The following CIT variants were observed in gnomAD, a reference collection of about 807,000 sequenced individuals.
The protein encoded by CIT is citron Rho-interacting kinase.
CIT carries 79 observed loss-of-function variants against 272.7 expected under a neutral mutation model. The ratio of observed to expected loss-of-function variants is 0.29; its 90% CI spans 0.24 to 0.35. CIT has a LOEUF of 0.35. Among genes scored for constraint, CIT ranks in the 10% least tolerant of loss-of-function variants. The pLI, the probability that CIT is intolerant of heterozygous loss-of-function variation, is 1.00. For missense variants in CIT, 1,909 were observed against 2,618.3 expected, an observed-to-expected ratio of 0.73 and a Z score of 5.91; for synonymous variants, 948 against 995.6, an observed-to-expected ratio of 0.95 and a Z score of 0.90.
intron 3 of CIT, among the ~76,000 whole-genome samples, chr12:119,866,479 C>A (rs554404251): frequency 1.3e-5 from 2 of 152,036 alleles, no homozygotes; most frequent in Non-Finnish European, 1.5e-5. Flanking sequence ...CAAACAGGAA[C>A]TATTTTGGGC....
At position 119,718,439 on chromosome 12, in the gene CIT, G is replaced by A. The variant is rs924520253; in HGVS notation, c.4004-30C>T. On this transcript the variant is annotated intron_variant, in intron 31 of 47. Transcript: ENST00000392521. The surrounding 1 kb of genome is among the most constrained non-coding windows in gnomAD (Gnocchi z 4.8). ...AGAGAGACCAGGACAATGCCTTTTGGTTAGCTGGGTCGCCTAGAGGACCAA... is the reference window on the plus strand; with the variant it reads ...AGAGAGACCAGGACAATGCCTTTTGATTAGCTGGGTCGCCTAGAGGACCAA... 15 of 1,583,668 alleles carry A rather than the reference G, an allele frequency of 9.5e-6. No homozygotes were observed. The highest frequency in any genetic ancestry group is 1.2e-5 in the Non-Finnish European group (14 of 1,162,154).
intron 10 of CIT, among the ~76,000 whole-genome samples, chr12:119,799,014 C>T (rs958954166): frequency 2.0e-5 from 3 of 152,184 alleles, no homozygotes; most frequent in African/African-American, 7.2e-5. Flanking sequence ...ATTCTGTTCC[C>T]CAATCCACTC....
chr12:119,860,822 TA>T (rs561470396), intron 3 of CIT, among the ~76,000 whole-genome samples: 584 of 136,296 alleles, frequency 4.3e-3, no homozygotes, highest in Non-Finnish European at 4.0e-3. Context: ...TATGATTACT[TA>T]AAAAAAAAAA....
intron 13 of CIT, among the ~76,000 whole-genome samples, chr12:119,780,837 G>A (rs1451635939): frequency 1.3e-5 from 2 of 152,076 alleles, no homozygotes; most frequent in Admixed American, 6.5e-5. Context: ...CTGAAACCAC[G>A]TTTCTTCCCC....
Position 119,760,979 on chromosome 12 carries a change from T to C in CIT, c.2381A>G (p.Glu794Gly), listed in dbSNP as rs1193538156. 9 of 1,614,136 alleles carry C rather than the reference T, an allele frequency of 5.6e-6. No homozygotes were observed. The highest frequency in any genetic ancestry group is 7.6e-6 in the Non-Finnish European group (9 of 1,179,982). ...LENMMQRHEEEAHEKGKILSE... is the reference protein window; with the variant it reads ...LENMMQRHEEGAHEKGKILSE... ...GAGAATTTTGCCCTTCTCATGGGCCTCCTCCTCGTGTCTCTGCATCATGTT... is the reference window on the plus strand; with the variant it reads ...GAGAATTTTGCCCTTCTCATGGGCCCCCTCCTCGTGTCTCTGCATCATGTT... Residue 794 changes from glutamate to glycine, a missense_variant, in exon 20 of 48, where the codon GAG becomes GGG. By Grantham distance (98) the Glu-to-Gly change is moderately conservative. Transcript: ENST00000392521.
chr12:119,713,435 C>G lies in CIT; in HGVS notation c.4487+33G>C. The G allele has an allele frequency of 6.2e-7, 1 of 1,605,530 alleles. No homozygotes were observed. The highest frequency in any genetic ancestry group is 8.5e-7 in the Non-Finnish European group (1 of 1,175,430). ...AGGGACAGAGTGGCTTGTGCCAGCA[C>G]CTGCTCCAGCCCAAGCCACCCTGAC... On this transcript the variant is annotated intron_variant, in intron 34 of 47. Coordinates refer to ENST00000392521, the MANE Select transcript of CIT (RefSeq NM_001206999.2). The surrounding 1 kb of genome is among the most constrained non-coding windows in gnomAD (Gnocchi z 5.2).
chr12:119,803,061 G>A (rs1473795118), intron 10 of CIT, 145 bp downstream of exon 10: 2 of 580,308 alleles, frequency 3.4e-6, no homozygotes, highest in Non-Finnish European at 5.7e-6. Flanking sequence ...GCCCTAACAG[G>A]TAGACTGCTT....
In CIT at chr12:119,784,673, A is replaced by G; in HGVS notation, c.1401+287T>C. The G allele has an allele frequency of 7.8e-7, 1 of 1,289,996 alleles. No homozygotes were observed. 79.9% of individuals were successfully genotyped at this position (1,289,996 alleles called of 1,614,324 possible). ...GTATCTCAGCCACAGGTGAGGACCCAGGCCACCTGCCGGAAGAAGCAGACA... is the reference window on the plus strand; with the variant it reads ...GTATCTCAGCCACAGGTGAGGACCCGGGCCACCTGCCGGAAGAAGCAGACA... On this transcript the variant is annotated intron_variant, in intron 11 of 47. Transcript: ENST00000392521. This position sits in a 1 kb window ranked among gnomAD's most constrained non-coding sequence, Gnocchi z 4.7.
In CIT at chr12:119,808,154, C is replaced by T. The variant is rs1966715388; in HGVS notation, c.1112-4765G>A. On this transcript the variant is annotated intron_variant, in intron 9 of 47. Coordinates refer to ENST00000392521, the MANE Select transcript of CIT (RefSeq NM_001206999.2). The stretch of plus-strand genomic sequence containing the variant: ...AATTCTCTCTCTCTCTTTTTTAATC[C>T]TAACATTCATTAAAAGCTTTTGAGG... 1.3e-5 allele frequency among the ~76,000 whole-genome samples: 2 copies of T among 151,588 alleles called. 1 individual carries two copies. Among genetic ancestry groups the T allele is most frequent in the African/African-American group, 4.8e-5 (2 of 41,274 alleles).
At chr12:119,833,060 G>T (rs1343505307) in intron 6 of CIT, among the ~76,000 whole-genome samples, 196 bp from the exon 7 acceptor site, 1 of 152,116 alleles carries the variant, frequency 6.6e-6, no homozygotes, top group Admixed American at 6.5e-5. Flanking sequence ...AGGAGAGAGA[G>T]AGGGAGAGAG....
chr12:119,743,760 A>C (rs1959168508), intron 23 of CIT, among the ~76,000 whole-genome samples: 1 of 152,224 alleles, frequency 6.6e-6, no homozygotes, highest in African/African-American at 2.4e-5. Flanking sequence ...CCTTGATTTC[A>C]GATGCCTTAG....
chr12:119,725,711 C>A (rs969026912), intron 28 of CIT, among the ~76,000 whole-genome samples: 1 of 152,186 alleles, frequency 6.6e-6, no homozygotes, highest in Non-Finnish European at 1.5e-5. Context: ...AAGGAGGGAA[C>A]TGAATTGGGA....
intron 8 of CIT, 63 bp from the exon 9 acceptor site, chr12:119,823,036 G>C: frequency 6.7e-7 from 1 of 1,485,908 alleles, no homozygotes; most frequent in Non-Finnish European, 9.1e-7. Context: ...ATGCTGCAAA[G>C]TGAAGAAAGT....
chr12:119,750,232 T>C (rs1960032775), intron 23 of CIT, among the ~76,000 whole-genome samples: 1 of 152,144 alleles, frequency 6.6e-6, no homozygotes, highest in African/African-American at 2.4e-5. Flanking sequence ...AGCTAAGAAA[T>C]GTTATCTGTC....
chr12:119,810,611 G>A (rs904787066), intron 9 of CIT, among the ~76,000 whole-genome samples: 4 of 151,394 alleles, frequency 2.6e-5, no homozygotes, highest in Non-Finnish European at 4.4e-5. Context: ...GCTGAGGCAG[G>A]AGAATCCCTC....
intron 7 of CIT, 119 bp downstream of exon 7, chr12:119,832,652 A>C: frequency 1.3e-6 from 1 of 786,058 alleles, no homozygotes; most frequent in Non-Finnish European, 2.1e-6. Flanking sequence ...CCACCCCCAT[A>C]CACTGCCAAA....
chr12:119,747,634 C>T (rs938232666), intron 23 of CIT, among the ~76,000 whole-genome samples: 12 of 151,796 alleles, frequency 7.9e-5, no homozygotes, highest in Non-Finnish European at 1.8e-4. Context: ...GCAGGAGAAT[C>T]GCCTGAACCC....
At position 119,784,475 on chromosome 12, in the gene CIT, C is replaced by T; in HGVS notation, c.1402-424G>A. 2.5e-6 allele frequency: 3 copies of T among 1,193,628 alleles called. No individual in the cohort carries two copies. Among genetic ancestry groups the T allele is most frequent in the Non-Finnish European group, 3.2e-6 (3 of 948,214 alleles). 73.9% of individuals were successfully genotyped at this position (1,193,628 alleles called of 1,614,324 possible). On this transcript the variant is annotated intron_variant, in intron 11 of 47. Transcript: ENST00000392521. This position sits in a 1 kb window ranked among gnomAD's most constrained non-coding sequence, Gnocchi z 4.7. ...AAGGAGATATTTATTCGTCTGCACT[C>T]TTAGGAGTCCCAGGCAAGCAGTGAC...
intron 46 of CIT, among the ~76,000 whole-genome samples, chr12:119,691,533 G>T (rs1955949831): frequency 6.6e-6 from 1 of 152,210 alleles, no homozygotes; most frequent in Admixed American, 6.5e-5. Flanking sequence ...GTAGGGATCA[G>T]GCCTGATAGA....
Sources: gnomAD v4.1 joint callset for allele counts (sites outside exome capture counted in the v4.1 genomes callset) on GRCh38, gnomAD v4.1.1 for gene constraint, Gnocchi (gnomAD v3.1) non-coding constraint, MANE v1.5 for transcripts, NCBI Gene and HGNC (gene_info 2026-07-23, HGNC 2026-07-21) for gene names.